Variants in CD96 observed in about 807,000 individuals in gnomAD.
CD96 encodes T-cell surface protein tactile.
In CD96, 70 loss-of-function variants were observed where a neutral mutation model predicts 71.3. The ratio of observed to expected loss-of-function variants is 0.98; its 90% CI spans 0.81 to 1.20. The LOEUF (loss-of-function observed/expected upper bound fraction) is 1.20, where lower values mean the gene tolerates loss of function less well. CD96 is among the 50% of genes most tolerant of loss of function. The pLI is 0.00. For missense variants in CD96, 742 were observed against 677.5 expected (o/e 1.10, Z -1.06); for synonymous variants, 248 against 233.0 (o/e 1.06, Z -0.59).
chr3:111,553,410 G>C (rs1323674087), intron 2 of CD96, among the ~76,000 whole-genome samples: 2 of 147,842 alleles, frequency 1.4e-5, no homozygotes, highest in Non-Finnish European at 3.0e-5. Flanking sequence ...ACAGAGACTT[G>C]ATAACATTTA....
intron 2 of CD96, among the ~76,000 whole-genome samples, chr3:111,565,650 G>A (rs964926635): frequency 8.6e-5 from 13 of 151,992 alleles, no homozygotes; most frequent in African/African-American, 2.4e-4. Flanking sequence ...AACTCCATTT[G>A]GAAGTGCTGT....
chr3:111,584,354 C>G (rs929131673), intron 4 of CD96, among the ~76,000 whole-genome samples: 6 of 152,166 alleles, frequency 3.9e-5, no homozygotes, highest in African/African-American at 9.7e-5. Flanking sequence ...AACATTTTCT[C>G]GTCTTCTTCT....
chr3:111,571,011 T>C lies in CD96; in HGVS notation c.543+3364T>C, dbSNP rs1484452893. ...GGAGGGCATCTCCTGCTCCTCCAGC[T>C]TCTCTTTTGGGGTCAGCGGCTTGTA... is the stretch of plus-strand genomic sequence containing the variant. On this transcript the variant is annotated intron_variant, in intron 3 of 13. Coordinates refer to ENST00000352690, the MANE Select transcript of CD96 (RefSeq NM_005816.5). The C allele has an allele frequency of 4.0e-5, 58 of 1,451,812 alleles. No individual in the cohort carries two copies. The East Asian group carries it at 1.3e-3, about 32-fold the overall frequency. 89.9% of individuals were successfully genotyped at this position (1,451,812 alleles called of 1,614,324 possible). A position where few individuals can be genotyped will look rare whatever the true frequency, so the allele number is the denominator to read the frequency against.
chr3:111,665,641 A>G (rs1940463293), exon 15 of CD96: 1 of 152,204 alleles, frequency 6.6e-6, no homozygotes, highest in Non-Finnish European at 1.5e-5. Flanking sequence ...CCGTTGAACC[A>G]TTTCATATCA....
chr3:111,576,232 GGAAAA>G (rs1249533464), intron 3 of CD96, among the ~76,000 whole-genome samples: 1 of 152,010 alleles, frequency 6.6e-6, no homozygotes, highest in Non-Finnish European at 1.5e-5. Flanking sequence ...TTGAAGAACA[GGAAAA>G]GAAAAAACTG....
intron 8 of CD96, among the ~76,000 whole-genome samples, chr3:111,609,420 G>A (rs904036651): frequency 2.0e-5 from 3 of 151,888 alleles, no homozygotes; most frequent in African/African-American, 4.8e-5. Context: ...ACCTTTGTAG[G>A]TGCTGTGAAT....
intron 7 of CD96, among the ~76,000 whole-genome samples, chr3:111,604,044 A>T (rs1228807270): frequency 6.6e-6 from 1 of 152,198 alleles, no homozygotes; most frequent in Non-Finnish European, 1.5e-5. Flanking sequence ...TTGTAAAAAG[A>T]CCCTCAAAGA....
chr3:111,611,533 A>G (rs1177370096), intron 8 of CD96, among the ~76,000 whole-genome samples: 1 of 152,190 alleles, frequency 6.6e-6, no homozygotes, highest in Non-Finnish European at 1.5e-5. Context: ...TGTGATAGCA[A>G]CTTCTGACCC....
chr3:111,639,946 G>A (rs1246702182), intron 12 of CD96, among the ~76,000 whole-genome samples: 1 of 152,166 alleles, frequency 6.6e-6, no homozygotes, highest in Non-Finnish European at 1.5e-5. Flanking sequence ...TCTACATCAA[G>A]GGAACACCCA....
chr3:111,586,941 G>A (rs534280076), intron 5 of CD96, among the ~76,000 whole-genome samples: 1 of 152,154 alleles, frequency 6.6e-6, no homozygotes, highest in South Asian at 2.1e-4. Context: ...ACTCATTGCA[G>A]CATTAACTCA....
chr3:111,628,719 T>C (rs1416972167), intron 10 of CD96, among the ~76,000 whole-genome samples: 1 of 151,950 alleles, frequency 6.6e-6, no homozygotes, highest in Non-Finnish European at 1.5e-5. Flanking sequence ...CGTCAGATTC[T>C]CCAAGGTCAA....
intron 8 of CD96, among the ~76,000 whole-genome samples, chr3:111,608,378 T>G (rs1277435156): frequency 6.6e-6 from 1 of 152,234 alleles, no homozygotes; most frequent in Non-Finnish European, 1.5e-5. Flanking sequence ...AGGTCCATCT[T>G]ATACTCAAGG....
intron 14 of CD96, among the ~76,000 whole-genome samples, chr3:111,661,755 T>C (rs1014435810): frequency 6.6e-6 from 1 of 152,266 alleles, no homozygotes; most frequent in Non-Finnish European, 1.5e-5. Flanking sequence ...GTGATTCTGC[T>C]GAGTACAGTC....
downstream of CD96, among the ~76,000 whole-genome samples, chr3:111,656,564 T>G (rs1164429292): frequency 6.6e-6 from 1 of 152,246 alleles, no homozygotes; most frequent in Non-Finnish European, 1.5e-5. Flanking sequence ...AAGATTATTT[T>G]GGTATCATTA....
rs60838213 is a variant in CD96, at chr3:111,546,919, T to TACACACACACACACACACACACACACAC, written c.418+1518_418+1545dup. The stretch of plus-strand genomic sequence containing the variant: ...CCACACACACACACACACAGACACA[T>TACACACACACACACACACACACACACAC]ACACACACACACACACACACACACA... On this transcript the variant is annotated intron_variant, in intron 2 of 13. Transcript: ENST00000352690. Among the ~76,000 whole-genome samples the TACACACACACACACACACACACACACAC allele has an allele frequency of 1.3e-3, 174 of 138,182 alleles. 5 individuals are homozygous for TACACACACACACACACACACACACACAC. The highest frequency in any genetic ancestry group is 9.4e-3 in the East Asian group (43 of 4,554). The allele number at this position is 138,182 out of a possible 152,430, so 90.7% of individuals were successfully genotyped here. A position where few individuals can be genotyped will look rare whatever the true frequency, so the allele number is the denominator to read the frequency against.
chr3:111,554,518 TG>T (rs1934886895), intron 2 of CD96, among the ~76,000 whole-genome samples: 2 of 152,142 alleles, frequency 1.3e-5, no homozygotes, highest in African/African-American at 4.8e-5. Context: ...TTTCTTTTTT[TG>T]CAACTTGCTC....
At chr3:111,612,477 G>T (rs1328974174) in intron 8 of CD96, among the ~76,000 whole-genome samples, 1 of 152,130 alleles carries the variant, frequency 6.6e-6, no homozygotes, top group Non-Finnish European at 1.5e-5. Context: ...TTTGTTGGTT[G>T]CCTCCAATGT....
chr3:111,659,905 C>G (rs767613989), intron 14 of CD96, among the ~76,000 whole-genome samples: 3 of 152,136 alleles, frequency 2.0e-5, no homozygotes, highest in Non-Finnish European at 4.4e-5. Context: ...ACATGCCCAA[C>G]CCACAGCCAA....
chr3:111,646,858 A>T (rs940326078), intron 12 of CD96, among the ~76,000 whole-genome samples: 5 of 152,138 alleles, frequency 3.3e-5, no homozygotes, highest in African/African-American at 1.2e-4. Flanking sequence ...AACGTGGTAC[A>T]TATACACCAT....
Sources: allele counts gnomAD v4.1 joint callset (sites outside exome capture counted in the v4.1 genomes callset), GRCh38; gene constraint gnomAD v4.1.1; transcripts MANE v1.5; gene names NCBI Gene and HGNC (gene_info 2026-07-23, HGNC 2026-07-21).